Variants in NHSL1 observed in about 807,000 individuals in gnomAD.
The protein encoded by NHSL1 is NHS-like protein 1.
A neutral mutation model predicts 95.0 loss-of-function variants in NHSL1; 48 were observed. That is an observed-to-expected ratio of 0.51 (90% CI 0.40 to 0.64). The LOEUF (loss-of-function observed/expected upper bound fraction) is 0.64, where lower values mean the gene tolerates loss of function less well. NHSL1 is among the 30% of genes least tolerant of loss of function. NHSL1 has a pLI of 0.00. For missense variants in NHSL1, 1,971 were observed against 2,077.7 expected (o/e 0.95, Z 1.00); for synonymous variants, 783 against 833.9 (o/e 0.94, Z 1.05).
intron 1 of NHSL1, among the ~76,000 whole-genome samples, chr6:138,615,354 C>T (rs575575786): frequency 3.7e-4 from 56 of 152,366 alleles, no homozygotes; most frequent in African/African-American, 1.3e-3. Flanking sequence ...TCTATTCATA[C>T]ACATACTCCC....
intron 1 of NHSL1, among the ~76,000 whole-genome samples, chr6:138,690,535 G>A (rs1353547876): frequency 6.6e-6 from 1 of 152,114 alleles, no homozygotes; most frequent in African/African-American, 2.4e-5. Context: ...GAGGTTGGGA[G>A]TTAAAGACCA....
At chr6:138,634,299 G>A (rs1784859945) in intron 1 of NHSL1, among the ~76,000 whole-genome samples, 1 of 152,038 alleles carries the variant, frequency 6.6e-6, no homozygotes, top group Non-Finnish European at 1.5e-5. Context: ...TCAATAATCG[G>A]TTGCCTCCAA....
At chr6:138,519,731 C>T (rs527764137) in intron 1 of NHSL1, among the ~76,000 whole-genome samples, 1 of 152,184 alleles carries the variant, frequency 6.6e-6, no homozygotes, top group African/African-American at 2.4e-5. Context: ...GCATCTCTAG[C>T]AAGGTAGCTG....
At chr6:138,595,705 C>T (rs1784294161) in intron 1 of NHSL1, among the ~76,000 whole-genome samples, 1 of 152,036 alleles carries the variant, frequency 6.6e-6, no homozygotes, top group Non-Finnish European at 1.5e-5. Flanking sequence ...TTTTTTTAAT[C>T]AGCAGAAAAG....
intron 3 of NHSL1, among the ~76,000 whole-genome samples, chr6:138,471,910 G>A (rs1310368818): frequency 2.0e-5 from 3 of 152,102 alleles, no homozygotes. Context: ...CAGGCGCGGT[G>A]ACTCATGCCT....
At chr6:138,545,282 T>G (rs1392913543) in intron 1 of NHSL1, among the ~76,000 whole-genome samples, 1 of 152,150 alleles carries the variant, frequency 6.6e-6, no homozygotes, top group Non-Finnish European at 1.5e-5. Flanking sequence ...ACATGAAAAT[T>G]TCTCTACTAC....
chr6:138,606,949 T>C (rs557164083), intron 1 of NHSL1, among the ~76,000 whole-genome samples: 9 of 152,018 alleles, frequency 5.9e-5, no homozygotes, highest in Non-Finnish European at 1.0e-4. Context: ...ATGATCCGCC[T>C]GCCTCAGCCT....
At chr6:138,641,850 C>T (rs1011417180) in intron 1 of NHSL1, among the ~76,000 whole-genome samples, 8 of 152,096 alleles carry the variant, frequency 5.3e-5, no homozygotes, top group Non-Finnish European at 1.2e-4. Context: ...TCAGTCCCCA[C>T]CTCCTGTCTC....
At chr6:138,688,412 G>A (rs933192625) in intron 1 of NHSL1, among the ~76,000 whole-genome samples, 4 of 152,032 alleles carry the variant, frequency 2.6e-5, no homozygotes, top group Admixed American at 6.6e-5. Flanking sequence ...TTGGGAGGCC[G>A]AGGCGGGTGG....
chr6:138,513,376 T>C (rs183277798), intron 1 of NHSL1, among the ~76,000 whole-genome samples: 4 of 150,520 alleles, frequency 2.7e-5, no homozygotes, highest in Non-Finnish European at 5.9e-5. Context: ...TGTAAGTAAC[T>C]TTTTTTTTTC....
intron 3 of NHSL1, among the ~76,000 whole-genome samples, chr6:138,471,566 G>A (rs1778753311): frequency 1.3e-5 from 2 of 152,268 alleles, no homozygotes; most frequent in South Asian, 4.1e-4. Context: ...TACCTTTCAA[G>A]AAATAGGAAA....
At chr6:138,605,122 C>T (rs1326691353) in intron 1 of NHSL1, among the ~76,000 whole-genome samples, 1 of 152,208 alleles carries the variant, frequency 6.6e-6, no homozygotes, top group South Asian at 2.1e-4. Context: ...ACATAACCTG[C>T]ACTGCATTAT....
chr6:138,506,962 G>C (rs1160163283), intron 1 of NHSL1, among the ~76,000 whole-genome samples: 2 of 152,164 alleles, frequency 1.3e-5, no homozygotes, highest in Non-Finnish European at 1.5e-5. Context: ...TTGGTCACTT[G>C]TGCCTTAAGA....
intron 1 of NHSL1, among the ~76,000 whole-genome samples, chr6:138,510,844 T>C (rs1403677065): frequency 6.6e-6 from 1 of 152,210 alleles, no homozygotes; most frequent in African/African-American, 2.4e-5. Flanking sequence ...GGAGACATAT[T>C]GTTTAGTATC....
chr6:138,457,770 G>A (rs1355858594), intron 3 of NHSL1, among the ~76,000 whole-genome samples: 5 of 152,060 alleles, frequency 3.3e-5, no homozygotes, highest in Non-Finnish European at 7.3e-5. Context: ...TCCCCTTTGG[G>A]AGGCCGAGGT....
intron 1 of NHSL1, among the ~76,000 whole-genome samples, chr6:138,607,254 G>A (rs1193711175): frequency 1.7e-4 from 26 of 152,156 alleles, no homozygotes; most frequent in Admixed American, 1.7e-3. Flanking sequence ...TGTTAATGCT[G>A]TCAACAGAAA....
At position 138,567,839 on chromosome 6, in the gene NHSL1, T is replaced by C. The variant is rs546123164; in HGVS notation, c.202+3871A>G. On this transcript the variant is annotated intron_variant, in intron 1 of 6. Transcript: ENST00000427025. Reference sequence around the variant, plus strand: ...TACGATAAAGTCCAGAAGGAAAGGATGAAACATTGTTCAAAGCAAGGCTTT... The same window carrying C: ...TACGATAAAGTCCAGAAGGAAAGGACGAAACATTGTTCAAAGCAAGGCTTT... 7.2e-5 allele frequency among the ~76,000 whole-genome samples: 11 copies of C among 152,306 alleles called. No homozygotes were observed. The South Asian group carries it at 2.3e-3, about 32-fold the overall frequency.
intron 1 of NHSL1, among the ~76,000 whole-genome samples, chr6:138,578,147 G>A (rs1783999046): frequency 6.6e-6 from 1 of 152,218 alleles, no homozygotes; most frequent in Non-Finnish European, 1.5e-5. Flanking sequence ...AATTAATAGT[G>A]TTGTTCCCCT....
Position 138,619,940 on chromosome 6 carries a change from T to C in NHSL1, c.96+72536A>G, listed in dbSNP as rs1305793924. Among the ~76,000 whole-genome samples, 10 of 100,046 alleles carry C rather than the reference T, an allele frequency of 1.0e-4. 1 individual carries two copies. The East Asian group carries it at 2.7e-3, about 27-fold the overall frequency. The allele number at this position is 100,046 out of a possible 152,430, so 65.6% of individuals were successfully genotyped here. ...TCCAGCTTGGGCAACAGAGCGAAAC[T>C]CTATCACAAAAAAAAAAAAAAAAAA... On this transcript the variant is annotated intron_variant, in intron 1 of 3. Transcript: ENST00000491526.
Sources: gnomAD v4.1 joint callset for allele counts (sites outside exome capture counted in the v4.1 genomes callset) on GRCh38, gnomAD v4.1.1 for gene constraint, MANE v1.5 for transcripts, NCBI Gene and HGNC (gene_info 2026-07-23, HGNC 2026-07-21) for gene names.